AAK1: variants seen among roughly 807,000 people sequenced by gnomAD.
The protein encoded by AAK1 is AP2 associated kinase 1.
Under a neutral mutation model 116.0 loss-of-function variants are expected in AAK1, and 37 were observed. The ratio of observed to expected loss-of-function variants is 0.32; its 90% confidence interval spans 0.25 to 0.42. The LOEUF (loss-of-function observed/expected upper bound fraction) is 0.42, where lower values mean the gene tolerates loss of function less well. Ranked by LOEUF, AAK1 falls within the 10% of genes least tolerant of loss-of-function variation. AAK1 has a pLI of 1.00. For missense variants in AAK1, 919 were observed against 1,170.6 expected, an observed-to-expected ratio of 0.79 and a Z score of 3.14; for synonymous variants, 458 against 439.9, an observed-to-expected ratio of 1.04 and a Z score of -0.51.
intron 20 of AAK1, among the ~76,000 whole-genome samples, chr2:69,477,631 T>G (rs1328363770): frequency 6.6e-6 from 1 of 152,252 alleles, no homozygotes; most frequent in Non-Finnish European, 1.5e-5. Context: ...AAGTGCTGGC[T>G]GAGCACTTAT....
At chr2:69,559,649 T>C (rs1413144564) in intron 2 of AAK1, among the ~76,000 whole-genome samples, 3 of 152,240 alleles carry the variant, frequency 2.0e-5, no homozygotes, top group Admixed American at 6.5e-5. Flanking sequence ...GCTTTATGCA[T>C]AGACAAACCA....
intron 2 of AAK1, among the ~76,000 whole-genome samples, chr2:69,627,237 C>T (rs1158509695): frequency 6.7e-6 from 1 of 149,728 alleles, no homozygotes; most frequent in Non-Finnish European, 1.5e-5. Flanking sequence ...TGCAGTGAGC[C>T]GAGACTGCAC....
intron 2 of AAK1, among the ~76,000 whole-genome samples, chr2:69,622,657 A>T (rs1350070706): frequency 6.6e-6 from 1 of 151,690 alleles, no homozygotes; most frequent in Non-Finnish European, 1.5e-5. Context: ...GGCACTCTGT[A>T]TCTAGTTAAT....
chr2:69,638,234 A>T (rs1283786102), intron 2 of AAK1, among the ~76,000 whole-genome samples: 1 of 152,110 alleles, frequency 6.6e-6, no homozygotes, highest in Non-Finnish European at 1.5e-5. Context: ...ATTCTCCATA[A>T]AATTAGTCCT....
intron 5 of AAK1, among the ~76,000 whole-genome samples, chr2:69,535,081 C>T (rs867726312): frequency 2.6e-5 from 4 of 152,220 alleles, no homozygotes; most frequent in East Asian, 1.9e-4. Context: ...TCTTCCTCCT[C>T]GGCCTCATGC....
intron 17 of AAK1, among the ~76,000 whole-genome samples, chr2:69,494,071 C>T (rs1342533586): frequency 6.6e-6 from 1 of 152,174 alleles, no homozygotes; most frequent in Non-Finnish European, 1.5e-5. Flanking sequence ...ATGTTTTCAA[C>T]AGATGAGTCT....
chr2:69,567,996 T>A (rs1671947326), intron 2 of AAK1, among the ~76,000 whole-genome samples: 1 of 152,168 alleles, frequency 6.6e-6, no homozygotes, highest in Non-Finnish European at 1.5e-5. Flanking sequence ...TGCTCATCCC[T>A]CTAATCCACC....
In AAK1 at chr2:69,461,619, A is replaced by T; in HGVS notation, c.*14250T>A. 2.6e-6 allele frequency: 1 copy of T among 378,564 alleles called. No homozygotes were observed. Among genetic ancestry groups the T allele is most frequent in the Admixed American group, 3.2e-5 (1 of 30,872 alleles). 23.5% of individuals were successfully genotyped at this position (378,564 alleles called of 1,614,324 possible). ...AATTTTTTTTTTTTTTTTGAGGCGG[A>T]GTTTTGCTCTTCTCGCCCAGGCTGG... is the stretch of plus-strand genomic sequence containing the variant. On this transcript the variant is annotated 3_prime_UTR_variant, in exon 22 of 22. Coordinates refer to ENST00000409085, the MANE Select transcript of AAK1 (RefSeq NM_014911.5).
In AAK1 at chr2:69,496,064, A is replaced by G. The variant is rs373791405; in HGVS notation, c.2286T>C (p.Gly762=). 14 of 1,554,330 alleles carry G rather than the reference A, an allele frequency of 9.0e-6. No homozygotes were observed. Among genetic ancestry groups the G allele is most frequent in the Non-Finnish European group, 1.1e-5 (13 of 1,148,628 alleles). Residue 762 remains glycine (G), a synonymous_variant, in exon 17 of 22, where the codon GGT becomes GGC. Transcript: ENST00000409085. ...FSAGTAEKRK[G]GQTVDSGLPL... ...GGAGGCCAGAGTCCACAGTCTGCCC[A>G]CCCTTCCTTTTTTCAGCTGGAGTTA...
chr2:69,620,485 C>T (rs1674558457), intron 2 of AAK1, among the ~76,000 whole-genome samples: 1 of 152,204 alleles, frequency 6.6e-6, no homozygotes, highest in Non-Finnish European at 1.5e-5. Flanking sequence ...ATAGTTTAGA[C>T]TTGGTGCTCC....
At chr2:69,537,617 TG>T (rs1268844723) in intron 5 of AAK1, among the ~76,000 whole-genome samples, 1 of 152,224 alleles carries the variant, frequency 6.6e-6, no homozygotes, top group Non-Finnish European at 1.5e-5. Flanking sequence ...TCTTTGGCCC[TG>T]ACTACTGCTA....
chr2:69,486,302 G>A (rs549208912), intron 17 of AAK1, among the ~76,000 whole-genome samples: 4 of 152,258 alleles, frequency 2.6e-5, no homozygotes, highest in Admixed American at 2.0e-4. Flanking sequence ...CAAAAAGCAC[G>A]TGGGAGGGTA....
rs1019266970 is a variant in AAK1, at chr2:69,461,382, G to A, written c.*14487C>T. On this transcript the variant is annotated 3_prime_UTR_variant, in exon 22 of 22. Coordinates refer to ENST00000409085, the MANE Select transcript of AAK1 (RefSeq NM_014911.5). ...TCTCCCTCATCATTAAGTGGGGCAT[G>A]ACTGTATTTTTTTTTCTCTTTAAGG... 4.2e-6 allele frequency: 1 copy of A among 236,480 alleles called. No homozygotes were observed. Among genetic ancestry groups the A allele is most frequent in the Non-Finnish European group, 8.5e-6 (1 of 118,252 alleles). The allele number at this position is 236,480 out of a possible 1,614,324, so 14.6% of individuals were successfully genotyped here.
Position 69,642,987 on chromosome 2 carries a change from G to A in AAK1, c.54C>T (p.Ser18=). 2 of 1,611,990 alleles carry A rather than the reference G, an allele frequency of 1.2e-6. No individual in the cohort carries two copies. Among genetic ancestry groups the A allele is most frequent in the South Asian group, 2.2e-5 (2 of 90,710 alleles). ...RREQGGSGLG[S]GSSGGGGSTS... is the part of the protein sequence containing the mutation. ...TGCTGCCCCCTCCTCCGCTGGAGCC[G>A]GAGCCCAGGCCAGAGCCGCCCTGCT... Residue 18 remains serine (S), a synonymous_variant, in exon 2 of 22, where the codon TCC becomes TCT. Transcript: ENST00000409085.
intron 2 of AAK1, among the ~76,000 whole-genome samples, chr2:69,607,572 A>G (rs1217851252): frequency 2.0e-5 from 3 of 152,216 alleles, no homozygotes; most frequent in African/African-American, 7.2e-5. Context: ...AGCTACCAGG[A>G]TACAAAATCT....
At chr2:69,638,433 C>T (rs10196660) in intron 2 of AAK1, among the ~76,000 whole-genome samples, 5,550 of 152,182 alleles carry the variant, frequency 0.036, 331 homozygotes, top group African/African-American at 0.13. Context: ...ACAATTGGCA[C>T]GGGGCTGAGG....
chr2:69,502,262 A>G (rs1676006165), intron 16 of AAK1, among the ~76,000 whole-genome samples: 1 of 152,232 alleles, frequency 6.6e-6, no homozygotes, highest in Non-Finnish European at 1.5e-5. Context: ...GAATGCTTAC[A>G]AAATGAATCT....
chr2:69,550,710 G>A (rs1671143531), intron 3 of AAK1, among the ~76,000 whole-genome samples: 1 of 151,558 alleles, frequency 6.6e-6, no homozygotes, highest in Admixed American at 6.6e-5. Context: ...GCACCTCCCC[G>A]GCTCAAGTGA....
rs1001630021 is a variant in AAK1 at position 69,466,264 on chromosome 2, G to A, written c.*9605C>T. On this transcript the variant is annotated 3_prime_UTR_variant, in exon 22 of 22. Transcript: ENST00000409085. ...ACGGCTCCTCCCAGCTTCCCCGGGG[G>A]GGGTCTGCAGCTCTCATCTTCTTCT... The A allele has an allele frequency of 7.8e-7, 1 of 1,289,738 alleles. No homozygotes were observed. The highest frequency in any genetic ancestry group is 1.0e-6 in the Non-Finnish European group (1 of 988,854). The allele number at this position is 1,289,738 out of a possible 1,614,324, so 79.9% of individuals were successfully genotyped here.
Sources: gnomAD v4.1 joint callset for allele counts (sites outside exome capture counted in the v4.1 genomes callset) on GRCh38, gnomAD v4.1.1 for gene constraint, MANE v1.5 for transcripts, NCBI Gene and HGNC (gene_info 2026-07-23, HGNC 2026-07-21) for gene names.